Variants in IQSEC1 observed in about 807,000 individuals in gnomAD.
IQSEC1 encodes IQ motif and Sec7 domain ArfGEF 1.
IQSEC1 carries 31 observed loss-of-function variants against 91.0 expected under a neutral mutation model. The observed-to-expected ratio is 0.34, with a 90% confidence interval of 0.26 to 0.46. The LOEUF is 0.46. Among genes scored for constraint, IQSEC1 ranks in the 20% least tolerant of loss-of-function variants. The probability of loss-of-function intolerance (pLI) is 1.00; values close to 1 mark genes in which losing one functional copy is unlikely to be tolerated. For synonymous variants in IQSEC1, 699 were observed against 662.6 expected (o/e 1.05, Z -0.84); for missense variants, 1,388 against 1,575.6 (o/e 0.88, Z 2.02).
At chr3:13,256,220 G>GCA (rs1321992813) in intron 1 of IQSEC1, among the ~76,000 whole-genome samples, 2 of 152,198 alleles carry the variant, frequency 1.3e-5, no homozygotes, top group African/African-American at 4.8e-5. Context: ...GGTGACAGCT[G>GCA]CACACTGAGT....
chr3:13,071,981 CA>C (rs1390023620), intron 1 of IQSEC1, among the ~76,000 whole-genome samples: 1 of 152,264 alleles, frequency 6.6e-6, no homozygotes, highest in African/African-American at 2.4e-5. Flanking sequence ...GCCACTCTAT[CA>C]GGGGTTCCAC....
intron 1 of IQSEC1, among the ~76,000 whole-genome samples, chr3:13,208,948 G>A (rs187116693): frequency 2.0e-5 from 3 of 152,182 alleles, no homozygotes; most frequent in African/African-American, 7.2e-5. Context: ...AGTCAGTGGG[G>A]TGGGCAAGAG....
At chr3:13,058,462 GGTT>G (rs2125081618) in intron 1 of IQSEC1, among the ~76,000 whole-genome samples, 1 of 152,304 alleles carries the variant, frequency 6.6e-6, no homozygotes, top group African/African-American at 2.4e-5. Context: ...TGGGGGCAGG[GGTT>G]GTTATCTTTC....
At chr3:13,061,187 A>G (rs1705056221) in intron 1 of IQSEC1, among the ~76,000 whole-genome samples, 1 of 152,080 alleles carries the variant, frequency 6.6e-6, no homozygotes, top group South Asian at 2.1e-4. Flanking sequence ...GGAATGACCC[A>G]TATTATAGAT....
At chr3:13,235,506 G>T (rs940292860) in intron 1 of IQSEC1, among the ~76,000 whole-genome samples, 2 of 152,130 alleles carry the variant, frequency 1.3e-5, no homozygotes, top group Non-Finnish European at 2.9e-5. Context: ...TGAGCTGGTT[G>T]GGGGAGTGGG....
chr3:13,103,129 GCCCCT>G lies in IQSEC1; in HGVS notation c.303-55612_303-55608del, dbSNP rs1706092326. Among the ~76,000 whole-genome samples, 3 of 151,790 alleles carry G rather than the reference GCCCCT, an allele frequency of 2.0e-5. No individual in the cohort carries two copies. The highest frequency in any genetic ancestry group is 2.0e-4 in the Admixed American group (3 of 15,258). On this transcript the variant is annotated intron_variant, in intron 2 of 15. Transcript: ENST00000648114. This position sits in a 1 kb window ranked among gnomAD's most constrained non-coding sequence, Gnocchi z 4.1. ...GCCAGGGCCCCAGGGCTCTGCCCCA[GCCCCT>G]CCCTGGCCCATGTCCCCGGCTGGCC... is the stretch of plus-strand genomic sequence containing the variant.
chr3:13,078,504 G>C (rs996221331), intron 2 of IQSEC1, among the ~76,000 whole-genome samples: 5 of 152,066 alleles, frequency 3.3e-5, no homozygotes, highest in African/African-American at 7.2e-5. Context: ...GTGTAGCCTG[G>C]GGGGGAAGGC....
intron 1 of IQSEC1, among the ~76,000 whole-genome samples, chr3:13,276,024 T>C (rs913916276): frequency 3.9e-5 from 6 of 151,998 alleles, no homozygotes; most frequent in African/African-American, 1.2e-4. Flanking sequence ...AACTTTTCTA[T>C]ATGTTTGAAC....
chr3:13,110,328 C>T (rs1182644243), intron 2 of IQSEC1, among the ~76,000 whole-genome samples: 2 of 151,994 alleles, frequency 1.3e-5, no homozygotes, highest in African/African-American at 2.4e-5. Flanking sequence ...CGGTGGCTCA[C>T]ACCTGAAATC....
chr3:13,207,440 AC>A lies in IQSEC1; in HGVS notation c.273-43308del, dbSNP rs1232931419. On this transcript the variant is annotated intron_variant, in intron 1 of 15. Transcript: ENST00000648114. The surrounding 1 kb of genome is among the most constrained non-coding windows in gnomAD (Gnocchi z 4.8). ...ACGGCTTCCCTCTGGCCACCCCCAG[AC>A]CCCCTGCTGCCATTCTAACTCTCCC... Among the ~76,000 whole-genome samples, 3 of 136,704 alleles carry A rather than the reference AC, an allele frequency of 2.2e-5. No homozygotes were observed. Among genetic ancestry groups the A allele is most frequent in the Non-Finnish European group, 3.3e-5 (2 of 60,258 alleles). The allele number at this position is 136,704 out of a possible 152,430, so 89.7% of individuals were successfully genotyped here.
At chr3:12,915,831 C>T (rs1011030145) in intron 6 of IQSEC1, 98 bp from the exon 7 acceptor site, 25 of 1,389,186 alleles carry the variant, frequency 1.8e-5, no homozygotes, top group Non-Finnish European at 2.3e-5. Context: ...TCCACTAGAC[C>T]CAACAGAACC....
chr3:13,134,205 C>T (rs964814829), intron 2 of IQSEC1, among the ~76,000 whole-genome samples: 4 of 152,206 alleles, frequency 2.6e-5, no homozygotes, highest in African/African-American at 7.2e-5. Context: ...AGTTGCCCCT[C>T]GTCAGGGCTG....
intron 2 of IQSEC1, among the ~76,000 whole-genome samples, chr3:13,139,591 G>A (rs974131499): frequency 1.3e-5 from 2 of 152,184 alleles, no homozygotes; most frequent in Non-Finnish European, 2.9e-5. Flanking sequence ...CCAGTGACAG[G>A]GTGTTTGCGG....
chr3:13,104,283 T>A (rs918524791), intron 2 of IQSEC1, among the ~76,000 whole-genome samples: 1 of 152,020 alleles, frequency 6.6e-6, no homozygotes, highest in East Asian at 1.9e-4. Context: ...AAATCTAGAG[T>A]ATTTCATCTG....
intron 2 of IQSEC1, among the ~76,000 whole-genome samples, chr3:13,161,400 C>T (rs1259026205): frequency 6.6e-6 from 1 of 152,186 alleles, no homozygotes; most frequent in Non-Finnish European, 1.5e-5. Flanking sequence ...CAGTCAGGAT[C>T]CCAGGTTTGG....
chr3:13,125,589 C>T (rs1200578321), intron 2 of IQSEC1, among the ~76,000 whole-genome samples: 2 of 152,220 alleles, frequency 1.3e-5, no homozygotes, highest in African/African-American at 4.8e-5. Context: ...GGGTGAATCC[C>T]GTACAAATCT....
chr3:13,070,023 C>T (rs1476992773), intron 1 of IQSEC1, among the ~76,000 whole-genome samples: 2 of 151,888 alleles, frequency 1.3e-5, no homozygotes, highest in African/African-American at 4.8e-5. Flanking sequence ...TTCCATAAAG[C>T]TCCCTTGGGT....
At chr3:13,038,800 C>T (rs1292715547) in intron 1 of IQSEC1, among the ~76,000 whole-genome samples, 1 of 152,172 alleles carries the variant, frequency 6.6e-6, no homozygotes, top group Non-Finnish European at 1.5e-5. Flanking sequence ...AGCAAGCTCA[C>T]TAAGCCATGA....
At chr3:13,169,218 A>G (rs1055849875) in intron 1 of IQSEC1, among the ~76,000 whole-genome samples, 2 of 152,144 alleles carry the variant, frequency 1.3e-5, no homozygotes, top group Admixed American at 6.5e-5. Context: ...GTGAATAAGT[A>G]CCATGAGATC....
Sources: gnomAD v4.1 joint callset for allele counts (sites outside exome capture counted in the v4.1 genomes callset) on GRCh38, gnomAD v4.1.1 for gene constraint, Gnocchi (gnomAD v3.1) non-coding constraint, MANE v1.5 for transcripts, NCBI Gene and HGNC (gene_info 2026-07-23, HGNC 2026-07-21) for gene names.